The following MKLN1 variants were observed in gnomAD, a reference collection of about 807,000 sequenced individuals.
The protein encoded by MKLN1 is muskelin 1.
A neutral mutation model predicts 99.0 loss-of-function variants in MKLN1; 18 were observed. The ratio of observed to expected loss-of-function variants is 0.18; its 90% CI spans 0.13 to 0.27. MKLN1 has a LOEUF of 0.27. MKLN1 is among the 10% of genes least tolerant of loss of function. The pLI is 1.00. For missense variants in MKLN1, 621 were observed against 875.9 expected, an observed-to-expected ratio of 0.71 and a Z score of 3.67; for synonymous variants, 288 against 293.2, an observed-to-expected ratio of 0.98 and a Z score of 0.18.
At chr7:131,182,878 AATGCCAGTGGGTTAC>A (rs1424504748) in intron 2 of MKLN1, among the ~76,000 whole-genome samples, 1 of 152,208 alleles carries the variant, frequency 6.6e-6, no homozygotes, top group Non-Finnish European at 1.5e-5. Flanking sequence ...AAGGCTCTGA[AATGCCAGTGGGTTAC>A]ACATGCATTG....
chr7:131,386,303 C>T (rs1425637836), intron 2 of MKLN1, among the ~76,000 whole-genome samples: 1 of 152,160 alleles, frequency 6.6e-6, no homozygotes, highest in Non-Finnish European at 1.5e-5. Context: ...TGAGCCACCG[C>T]ACCCGGCCAG....
intron 3 of MKLN1, among the ~76,000 whole-genome samples, chr7:131,316,321 G>A (rs1193011224): frequency 2.6e-5 from 4 of 152,212 alleles, no homozygotes; most frequent in Non-Finnish European, 4.4e-5. Context: ...AGGGTCTAGA[G>A]AGGATGTTTA....
At chr7:131,110,367 G>A in intron 1 of MKLN1, among the ~76,000 whole-genome samples, 1 of 152,248 alleles carries the variant, frequency 6.6e-6, no homozygotes, top group South Asian at 2.1e-4. Flanking sequence ...GCCAAACGCA[G>A]CAATAATTAC....
Position 131,350,226 on chromosome 7 carries a change from C to CT in MKLN1, c.98+22243dup, listed in dbSNP as rs757358062. On this transcript the variant is annotated intron_variant, in intron 1 of 17. Transcript: ENST00000352689. ...TTTTTTATTTCATTTTATTTAAAATCTTTTTTTTTTTTTTGGTAGAGTTGG... is the reference window on the plus strand; with the variant it reads ...TTTTTTATTTCATTTTATTTAAAATCTTTTTTTTTTTTTTTGGTAGAGTTGG... 4.5e-3 allele frequency among the ~76,000 whole-genome samples: 629 copies of CT among 140,260 alleles called. 1 individual carries two copies. The highest frequency in any genetic ancestry group is 6.9e-3 in the South Asian group (30 of 4,350). 92.0% of individuals were successfully genotyped at this position (140,260 alleles called of 152,430 possible). A position where few individuals can be genotyped will look rare whatever the true frequency, so the allele number is the denominator to read the frequency against.
At chr7:131,114,938 G>T (rs1190147800) in intron 1 of MKLN1, among the ~76,000 whole-genome samples, 1 of 121,088 alleles carries the variant, frequency 8.3e-6, no homozygotes, top group African/African-American at 3.1e-5. Context: ...TCTGTCTCAA[G>T]AAAAAAAAAA....
At chr7:131,142,955 T>C in intron 2 of MKLN1, 1 of 1,304,560 alleles carries the variant, frequency 7.7e-7, no homozygotes, top group Non-Finnish European at 1.0e-6. Flanking sequence ...AGTGTTGATG[T>C]TTTAGTTTTT....
chr7:131,196,451 G>A lies in MKLN1; in HGVS notation c.-296-6406G>A, dbSNP rs961614735. 2.6e-5 allele frequency among the ~76,000 whole-genome samples: 4 copies of A among 152,164 alleles called. No individual in the cohort carries two copies. The East Asian group carries it at 7.7e-4, about 29-fold the overall frequency. On this transcript the variant is annotated intron_variant, in intron 2 of 7. Coordinates refer to the MKLN1 transcript ENST00000416992. ...AAAAAAGGCTGAACAACCTTTTTAGGCCAAATCTACTTATTTATTTATTTA... is the reference window on the plus strand; with the variant it reads ...AAAAAAGGCTGAACAACCTTTTTAGACCAAATCTACTTATTTATTTATTTA...
At chr7:131,214,022 T>TAAAAAAAAA (rs1796943405) in intron 3 of MKLN1, among the ~76,000 whole-genome samples, 1 of 152,210 alleles carries the variant, frequency 6.6e-6, no homozygotes, top group African/African-American at 2.4e-5. Context: ...AAACATAATG[T>TAAAAAAAAA]CTTGTATTTT....
At chr7:131,280,661 T>C (rs1798037723) in intron 3 of MKLN1, among the ~76,000 whole-genome samples, 1 of 147,432 alleles carries the variant, frequency 6.8e-6, no homozygotes, top group Non-Finnish European at 1.5e-5. Context: ...TTTTTTTTTC[T>C]TTTTTGGGAA....
intron 2 of MKLN1, among the ~76,000 whole-genome samples, chr7:131,380,899 A>G (rs965162801): frequency 3.9e-5 from 6 of 152,192 alleles, no homozygotes; most frequent in African/African-American, 9.7e-5. Flanking sequence ...GTTATGTCCT[A>G]TAAAGTAGTC....
chr7:131,236,104 A>C (rs1201924137), intron 3 of MKLN1, among the ~76,000 whole-genome samples: 1 of 152,206 alleles, frequency 6.6e-6, no homozygotes, highest in Non-Finnish European at 1.5e-5. Context: ...TATCACGAGA[A>C]ATTAATCAGT....
exon 2 of MKLN1, chr7:131,142,938 T>C (rs1176581461): frequency 5.3e-5 from 69 of 1,305,120 alleles, no homozygotes; most frequent in Non-Finnish European, 6.0e-5. Context: ...GGGATTGGAA[T>C]TCGGTAAGTG....
At chr7:131,296,665 G>A (rs1342506215) in intron 3 of MKLN1, among the ~76,000 whole-genome samples, 1 of 152,162 alleles carries the variant, frequency 6.6e-6, no homozygotes, top group Non-Finnish European at 1.5e-5. Context: ...AAAGTGTGAG[G>A]ATTGCTTGAT....
chr7:131,443,820 C>G, intron 11 of MKLN1, 118 bp downstream of exon 11: 1 of 779,202 alleles, frequency 1.3e-6, no homozygotes, highest in Non-Finnish European at 2.1e-6. Flanking sequence ...CAGAGAAAGA[C>G]AAAACTTCTT....
intron 7 of MKLN1, among the ~76,000 whole-genome samples, chr7:131,412,652 T>A (rs1349470260): frequency 1.3e-5 from 2 of 152,226 alleles, no homozygotes; most frequent in Admixed American, 6.5e-5. Flanking sequence ...ATGAATACCT[T>A]ATTTTCATAT....
At chr7:131,141,862 G>A (rs931795304) in intron 1 of MKLN1, among the ~76,000 whole-genome samples, 2 of 152,070 alleles carry the variant, frequency 1.3e-5, no homozygotes, top group African/African-American at 2.4e-5. Flanking sequence ...AAGTGCTTAC[G>A]GGGACCTTAT....
rs577865598 is a variant in MKLN1, at chr7:131,489,817, G to T, written c.*2089G>T. 1.3e-5 allele frequency: 2 copies of T among 152,068 alleles called. No homozygotes were observed. Among genetic ancestry groups the T allele is most frequent in the African/African-American group, 4.8e-5 (2 of 41,504 alleles). The allele number at this position is 152,068 out of a possible 1,614,324, so 9.4% of individuals were successfully genotyped here. ...AAATGTTTCCCTACTAGTCTTTTTGGAAAACATGTTTGTTTTAATTTCATC... is the reference window on the plus strand; with the variant it reads ...AAATGTTTCCCTACTAGTCTTTTTGTAAAACATGTTTGTTTTAATTTCATC... On this transcript the variant is annotated 3_prime_UTR_variant, in exon 18 of 18. Transcript: ENST00000352689.
At chr7:131,478,705 C>CT (rs1797035008) in intron 17 of MKLN1, 28 bp downstream of exon 17, 4 of 1,605,588 alleles carry the variant, frequency 2.5e-6, no homozygotes, top group Non-Finnish European at 2.5e-6. Context: ...ATTTATCCAG[C>CT]TAGATGCCCT....
At chr7:131,362,778 G>C (rs534100831) in intron 1 of MKLN1, among the ~76,000 whole-genome samples, 1 of 151,772 alleles carries the variant, frequency 6.6e-6, no homozygotes, top group African/African-American at 2.4e-5. Context: ...AGATACTCTA[G>C]ACAGATATTT....
Sources: gnomAD v4.1 joint callset for allele counts (sites outside exome capture counted in the v4.1 genomes callset) on GRCh38, gnomAD v4.1.1 for gene constraint, MANE v1.5 for transcripts, NCBI Gene and HGNC (gene_info 2026-07-23, HGNC 2026-07-21) for gene names.